Variants in FBLN7 observed in about 807,000 individuals in gnomAD.
The protein encoded by FBLN7 is fibulin 7.
In FBLN7, 31 loss-of-function variants were observed where a neutral mutation model predicts 44.0. That is an observed-to-expected ratio of 0.70 (90% CI 0.53 to 0.95). The LOEUF (loss-of-function observed/expected upper bound fraction) is 0.95. Ranked by LOEUF, FBLN7 falls within the 40% of genes least tolerant of loss-of-function variation. FBLN7 has a pLI of 0.00. For missense variants in FBLN7, 573 were observed against 618.5 expected (o/e 0.93, Z 0.78); for synonymous variants, 262 against 253.4 (o/e 1.03, Z -0.32).
chr2:112,235,033 T>G, the FBLN7 span, among the ~76,000 whole-genome samples: 1 of 152,032 alleles, frequency 6.6e-6, no homozygotes, highest in Non-Finnish European at 1.5e-5. Context: ...GATAAAGGTA[T>G]AAAAGGAGAT....
the FBLN7 span, among the ~76,000 whole-genome samples, chr2:112,244,681 G>A: frequency 7.6e-4 from 115 of 152,212 alleles, 1 homozygote; most frequent in African/African-American, 2.6e-3. Context: ...GGTAATTCTC[G>A]CAATACATCT....
At chr2:112,242,426 G>A in the FBLN7 span, among the ~76,000 whole-genome samples, 77 of 152,332 alleles carry the variant, frequency 5.1e-4, no homozygotes, top group African/African-American at 1.8e-3. Context: ...GAGCTGAGTA[G>A]CTGCAAGAGA....
At chr2:112,179,575 T>A (rs971651983) in intron 4 of FBLN7, among the ~76,000 whole-genome samples, 5 of 152,070 alleles carry the variant, frequency 3.3e-5, no homozygotes, top group African/African-American at 1.2e-4. Context: ...AGGAATCACA[T>A]TACCCAACTT....
chr2:112,150,776 A>G (rs1165678368), intron 1 of FBLN7, among the ~76,000 whole-genome samples: 2 of 152,212 alleles, frequency 1.3e-5, no homozygotes, highest in East Asian at 1.9e-4. Flanking sequence ...AAAATGAATA[A>G]TATTCAAAGA....
At chr2:112,143,258 G>A (rs1235291346) in intron 1 of FBLN7, among the ~76,000 whole-genome samples, 2 of 152,206 alleles carry the variant, frequency 1.3e-5, no homozygotes, top group African/African-American at 2.4e-5. Flanking sequence ...CCCACTGGAA[G>A]AGAAACACCT....
At chr2:112,186,560 A>G (rs1683278182) in intron 7 of FBLN7, among the ~76,000 whole-genome samples, 1 of 152,136 alleles carries the variant, frequency 6.6e-6, no homozygotes, top group Admixed American at 6.5e-5. Context: ...GAATCACTTG[A>G]GCCTGGGAGG....
chr2:112,237,739 A>T, the FBLN7 span, among the ~76,000 whole-genome samples: 3 of 151,690 alleles, frequency 2.0e-5, no homozygotes, highest in Non-Finnish European at 4.4e-5. Flanking sequence ...CCATACCCTG[A>T]TACTTTTTTT....
intron 6 of FBLN7, 23 bp from the exon 7 acceptor site, chr2:112,185,178 C>G (rs1267045609): frequency 6.2e-7 from 1 of 1,602,830 alleles, no homozygotes; most frequent in Non-Finnish European, 8.5e-7. Context: ...CGATTCTCAC[C>G]TGTTGTATGT....
At chr2:112,180,744 C>T (rs1423320530) in intron 4 of FBLN7, among the ~76,000 whole-genome samples, 1 of 151,832 alleles carries the variant, frequency 6.6e-6, no homozygotes, top group Non-Finnish European at 1.5e-5. Context: ...CATGGTGAAA[C>T]CCCGTCTCTA....
chr2:112,148,555 G>A (rs1002371705), intron 1 of FBLN7, among the ~76,000 whole-genome samples: 2 of 152,246 alleles, frequency 1.3e-5, no homozygotes, highest in Non-Finnish European at 2.9e-5. Flanking sequence ...GGCAGGCCAG[G>A]GTAGCAATTT....
chr2:112,141,218 G>A (rs963249880), intron 1 of FBLN7, among the ~76,000 whole-genome samples: 1 of 152,220 alleles, frequency 6.6e-6, no homozygotes, highest in Non-Finnish European at 1.5e-5. Context: ...GTGAAGTGGG[G>A]ACTGTTACCC....
At chr2:112,212,964 G>GTTTTTTTTTTTTTTTTTTTT in the FBLN7 span, 2 of 99,438 alleles carry the variant, frequency 2.0e-5, no homozygotes, top group South Asian at 3.3e-4. Flanking sequence ...CAGAAGAAAT[G>GTTTTTTTTTTTTTTTTTTTT]CTTTTTTTTT....
At position 112,187,102 on chromosome 2, in the gene FBLN7, C is replaced by T. The variant is rs1359849916; in HGVS notation, c.948-32C>T. 1.2e-6 allele frequency: 2 copies of T among 1,605,460 alleles called. No homozygotes were observed. The highest frequency in any genetic ancestry group is 8.5e-7 in the Non-Finnish European group (1 of 1,175,252). ...CAGCTCTTCATGAGACTCCCCAAGG[C>T]TGACTGCCTCCATTTTGCCTCTCCG... On this transcript the variant is annotated intron_variant, in intron 7 of 7. Coordinates refer to ENST00000331203, the MANE Select transcript of FBLN7 (RefSeq NM_153214.3). The surrounding 1 kb of genome is among the most constrained non-coding windows in gnomAD (Gnocchi z 5.1).
chr2:112,213,766 A>T, the FBLN7 span: 1 of 83,410 alleles, frequency 1.2e-5, no homozygotes. Flanking sequence ...ACAGAGCGAG[A>T]CTCCGTCTCA....
At chr2:112,227,241 G>A in the FBLN7 span, among the ~76,000 whole-genome samples, 1 of 152,188 alleles carries the variant, frequency 6.6e-6, no homozygotes, top group Non-Finnish European at 1.5e-5. Flanking sequence ...AAAGGAAGAG[G>A]CAGCTGGGCG....
chr2:112,154,601 C>T (rs1309742869), intron 1 of FBLN7, among the ~76,000 whole-genome samples: 3 of 152,222 alleles, frequency 2.0e-5, no homozygotes, highest in South Asian at 4.1e-4. Flanking sequence ...GGGAAAGCCT[C>T]ACCCAAAAGC....
At chr2:112,232,249 G>A in the FBLN7 span, among the ~76,000 whole-genome samples, 3 of 149,258 alleles carry the variant, frequency 2.0e-5, no homozygotes, top group East Asian at 2.0e-4. Context: ...CTGGGAGGCG[G>A]AGGTTGCAGC....
chr2:112,235,947 A>AAG, the FBLN7 span, among the ~76,000 whole-genome samples: 3 of 150,952 alleles, frequency 2.0e-5, no homozygotes, highest in South Asian at 6.3e-4. Flanking sequence ...AAAAAAAAAA[A>AAG]AAAAAAAAAT....
chr2:112,196,323 C>G, the FBLN7 span, among the ~76,000 whole-genome samples: 1 of 150,862 alleles, frequency 6.6e-6, no homozygotes, highest in East Asian at 1.9e-4. Context: ...ACACATTTGA[C>G]TCTGTGCACC....
Sources: allele counts gnomAD v4.1 joint callset (sites outside exome capture counted in the v4.1 genomes callset), GRCh38; gene constraint gnomAD v4.1.1; non-coding constraint Gnocchi (gnomAD v3.1); transcripts MANE v1.5; gene names NCBI Gene and HGNC (gene_info 2026-07-23, HGNC 2026-07-21).